Variants in TENM1 observed in about 807,000 individuals in gnomAD.
TENM1 encodes teneurin transmembrane protein 1.
A neutral mutation model predicts 174.8 loss-of-function variants in TENM1; 35 were observed. The observed-to-expected ratio is 0.20, with a 90% CI of 0.15 to 0.27. The LOEUF (loss-of-function observed/expected upper bound fraction) is 0.27, where lower values mean the gene tolerates loss of function less well. TENM1 is among the 10% of genes least tolerant of loss of function. The pLI, the probability that TENM1 is intolerant of heterozygous loss-of-function variation, is 1.00. For synonymous variants in TENM1, 781 were observed against 798.7 expected, an observed-to-expected ratio of 0.98 and a Z score of 0.37; for missense variants, 1,633 against 2,130.1, an observed-to-expected ratio of 0.77 and a Z score of 4.59.
the TENM1 span, among the ~76,000 whole-genome samples, chrX:124,982,270 G>GAAAAAAAAAAAAAAAAAAAAAGAA: frequency 3.1e-3 from 32 of 10,374 alleles, no homozygotes; most frequent in East Asian, 6.6e-3. Flanking sequence ...AAGAAAATGT[G>GAAAAAAAAAAAAAAAAAAAAAGAA]AAAAAAAAAA....
chrX:124,865,093 C>G (rs979183272), intron 3 of TENM1, among the ~76,000 whole-genome samples: 9 of 111,672 alleles, frequency 8.1e-5, no homozygotes, highest in Non-Finnish European at 1.5e-4. Context: ...AATACCAGAC[C>G]TGTTCTACAA....
chrX:124,806,078 T>C (rs966798612), intron 3 of TENM1, among the ~76,000 whole-genome samples: 5 of 109,903 alleles, frequency 4.5e-5, no homozygotes, highest in Admixed American at 3.9e-4. Context: ...TTAAAATAAA[T>C]GAGAAAAACT....
At chrX:124,889,238 A>G (rs764614728) in intron 3 of TENM1, among the ~76,000 whole-genome samples, 2 of 111,298 alleles carry the variant, frequency 1.8e-5, no homozygotes, top group East Asian at 5.7e-4. Flanking sequence ...AGAAAGCAAC[A>G]TTTGTATTAC....
intron 6 of TENM1, among the ~76,000 whole-genome samples, chrX:124,664,532 G>GAAAAAAAAAAAAAAA (rs779501054): frequency 1.7e-4 from 5 of 29,258 alleles, no homozygotes; most frequent in East Asian, 1.7e-3. Context: ...TAAAGCAAAA[G>GAAAAAAAAAAAAAAA]AAAAAAAAAA....
Position 124,653,791 on chromosome X carries a change from T to C in TENM1, c.1169-8A>G. 8.4e-7 allele frequency: 1 copy of C among 1,189,585 alleles called. No homozygotes were observed. The highest frequency in any genetic ancestry group is 1.1e-6 in the Non-Finnish European group (1 of 878,268). ...CCCGTCCCTTCTGAAACACTAGTTT[T>C]AAAGGTAGAGAAAATTACACACCAT... On this transcript the variant is annotated splice_region_variant and splice_polypyrimidine_tract_variant and intron_variant, in intron 6 of 31. Coordinates refer to ENST00000422452, the Ensembl canonical transcript of TENM1.
chrX:124,971,260 A>ATG, the TENM1 span, among the ~76,000 whole-genome samples: 2 of 110,752 alleles, frequency 1.8e-5, no homozygotes, highest in African/African-American at 6.6e-5. Context: ...CGTTGTGCAC[A>ATG]TGTACCCTAC....
At chrX:124,660,614 G>A (rs185820358) in intron 6 of TENM1, among the ~76,000 whole-genome samples, 12 of 111,754 alleles carry the variant, frequency 1.1e-4, no homozygotes, top group Non-Finnish European at 1.7e-4. Context: ...AATAAGAACA[G>A]TAAATGAAGC....
intron 3 of TENM1, among the ~76,000 whole-genome samples, chrX:124,741,153 A>G (rs902696845): frequency 8.9e-6 from 1 of 112,055 alleles, no homozygotes; most frequent in Non-Finnish European, 1.9e-5. Flanking sequence ...TGGCAGAGCT[A>G]CTAATAGAAG....
At chrX:125,008,376 A>C in the TENM1 span, among the ~76,000 whole-genome samples, 18,542 of 111,312 alleles carry the variant, frequency 0.17, 1,260 homozygotes, top group South Asian at 0.24. Flanking sequence ...TACCCAGATT[A>C]ATAAAACAAG....
chrX:125,175,783 A>G, the TENM1 span, among the ~76,000 whole-genome samples: 2 of 111,661 alleles, frequency 1.8e-5, no homozygotes, highest in African/African-American at 6.5e-5. Context: ...GAGGGAAAAA[A>G]GCAATACCAT....
chrX:124,570,687 A>G (rs962532106), intron 11 of TENM1, among the ~76,000 whole-genome samples: 2 of 112,012 alleles, frequency 1.8e-5, no homozygotes, highest in Admixed American at 9.5e-5. Context: ...GTAGCAAACT[A>G]AGACTAAAAG....
intron 11 of TENM1, among the ~76,000 whole-genome samples, chrX:124,574,257 C>G (rs1236771794): frequency 9.0e-6 from 1 of 111,319 alleles, no homozygotes; most frequent in Non-Finnish European, 1.9e-5. Flanking sequence ...AACAGTAAAT[C>G]CTTCAGAGCC....
At chrX:125,090,655 A>G in the TENM1 span, among the ~76,000 whole-genome samples, 1 of 111,482 alleles carries the variant, frequency 9.0e-6, no homozygotes, top group African/African-American at 3.3e-5. Flanking sequence ...ACTCTGTCTC[A>G]AAAAGAAAGC....
At chrX:124,827,520 T>A (rs780180029) in intron 3 of TENM1, among the ~76,000 whole-genome samples, 6 of 111,875 alleles carry the variant, frequency 5.4e-5, no homozygotes, top group Non-Finnish European at 9.4e-5. Context: ...TGCAGTGAAG[T>A]GAATCTGAGG....
intron 5 of TENM1, among the ~76,000 whole-genome samples, chrX:124,676,484 C>A (rs2052090323): frequency 9.7e-6 from 1 of 103,449 alleles, no homozygotes; most frequent in South Asian, 4.5e-4. Flanking sequence ...GCTCTTTTAG[C>A]AAATGTTCCC....
intron 3 of TENM1, among the ~76,000 whole-genome samples, chrX:124,838,372 C>T: frequency 9.0e-6 from 1 of 111,597 alleles, no homozygotes; most frequent in South Asian, 3.8e-4. Flanking sequence ...CTCAGTTTTC[C>T]ATAATTTGTT....
chrX:125,145,795 G>T, the TENM1 span, among the ~76,000 whole-genome samples: 1 of 111,989 alleles, frequency 8.9e-6, no homozygotes, highest in African/African-American at 3.2e-5. Context: ...GGATTTACCG[G>T]CATAGGACAA....
chrX:124,941,377 C>T (rs2058323923), intron 1 of TENM1, among the ~76,000 whole-genome samples: 1 of 111,642 alleles, frequency 9.0e-6, no homozygotes, highest in Non-Finnish European at 1.9e-5. Flanking sequence ...TCTTGAATTT[C>T]CATTAGTCCA....
At position 124,539,178 on chromosome X, in the gene TENM1, G is replaced by T. The variant is rs188475690; in HGVS notation, c.2651+7696C>A. On this transcript the variant is annotated intron_variant, in intron 15 of 31. Transcript: ENST00000422452. The stretch of plus-strand genomic sequence containing the variant: ...ATTTTGATTCAACAGGCCCCTAAAA[G>T]TCAACAGCAGGCTCCAGTTTCTGTT... 3.8e-3 allele frequency among the ~76,000 whole-genome samples: 429 copies of T among 111,698 alleles called. 1 individual carries two copies. Among genetic ancestry groups the T allele is most frequent in the African/African-American group, 0.013 (403 of 30,758 alleles).
Sources: allele counts gnomAD v4.1 joint callset (sites outside exome capture counted in the v4.1 genomes callset), GRCh38; gene constraint gnomAD v4.1.1; transcripts MANE v1.5; gene names NCBI Gene and HGNC (gene_info 2026-07-23, HGNC 2026-07-21).